KCNJ14: variants seen among roughly 807,000 people sequenced by gnomAD.
KCNJ14 encodes ATP-sensitive inward rectifier potassium channel 14.
KCNJ14 carries 18 observed loss-of-function variants against 24.5 expected under a neutral mutation model. The ratio of observed to expected loss-of-function variants is 0.74; its 90% CI spans 0.51 to 1.09. KCNJ14 has a LOEUF of 1.09. Ranked by LOEUF, KCNJ14 falls within the 50% of genes least tolerant of loss-of-function variation. KCNJ14 has a pLI of 0.00. For synonymous variants in KCNJ14, 288 were observed against 270.8 expected, an observed-to-expected ratio of 1.06 and a Z score of -0.63; for missense variants, 633 against 623.0, an observed-to-expected ratio of 1.02 and a Z score of -0.17.
chr19:48,462,840 G>A lies in KCNJ14; in HGVS notation c.714+402G>A, dbSNP rs1475870503. 6.6e-6 allele frequency among the ~76,000 whole-genome samples: 1 copy of A among 152,174 alleles called. No individual in the cohort carries two copies. Among genetic ancestry groups the A allele is most frequent in the East Asian group, 1.9e-4 (1 of 5,198 alleles). ...GGGGTGGTGGAGGGCCTGCGTGACCGTTCTATTACTCGGGTGTACAATTCC... is the reference window on the plus strand; with the variant it reads ...GGGGTGGTGGAGGGCCTGCGTGACCATTCTATTACTCGGGTGTACAATTCC... On this transcript the variant is annotated intron_variant, in intron 2 of 2. Coordinates refer to ENST00000342291, the MANE Select transcript of KCNJ14 (RefSeq NM_013348.4). This position sits in a 1 kb window ranked among gnomAD's most constrained non-coding sequence, Gnocchi z 4.9.
Position 48,462,203 on chromosome 19 carries a change from C to G in KCNJ14, c.479C>G (p.Pro160Arg). The G allele has an allele frequency of 6.4e-7, 1 of 1,555,904 alleles. No homozygotes were observed. Among genetic ancestry groups the G allele is most frequent in the Non-Finnish European group, 8.7e-7 (1 of 1,150,310 alleles). The stretch of plus-strand genomic sequence containing the variant: ...GTGCGCAGCGTCACCGAGGAGTGCC[C>G]GGCCGCTGTGGCCGCCGTGGTGCTG... ...YGVRSVTEEC[P>R]AAVAAVVLQC... Residue 160 changes from proline to arginine, a missense_variant, in exon 2 of 3, where the codon CCG becomes CGG. Physicochemically the swap from Pro to Arg is moderately radical, Grantham distance 103. Transcript: ENST00000342291. The surrounding 1 kb of genome is among the most constrained non-coding windows in gnomAD (Gnocchi z 4.9).
In KCNJ14 at chr19:48,464,337, G is replaced by A. The variant is rs764713358; in HGVS notation, c.871G>A (p.Glu291Lys). 35 of 1,613,098 alleles carry A rather than the reference G, an allele frequency of 2.2e-5. No individual in the cohort carries two copies. In the Admixed American group the frequency reaches 3.3e-4, roughly 15 times the overall value. ...TCCTCTGTATGAGCTAGGACGTGCC[G>A]AGCTGGCCAGGGCTGACTTTGAGCT... is the stretch of plus-strand genomic sequence containing the variant. ...ASPLYELGRA[E>K]LARADFELVV... The change falls in exon 3 of 3, where the codon GAG becomes AAG. Residue 291 changes from glutamate (E) to lysine (K), a missense_variant. By Grantham distance (56) the Glu-to-Lys change is moderately conservative. Transcript: ENST00000342291.
Position 48,462,412 on chromosome 19 carries a change from G to A in KCNJ14, c.688G>A (p.Ala230Thr), listed in dbSNP as rs769269839. ...CCTGCGCCGCAGCCACCTGGTCGAGGCCCACGTGCGTGCCCAGCTGCTGCA... is the reference window on the plus strand; with the variant it reads ...CCTGCGCCGCAGCCACCTGGTCGAGACCCACGTGCGTGCCCAGCTGCTGCA... ...GNLRRSHLVEAHVRAQLLQPR... is the reference protein window; with the variant it reads ...GNLRRSHLVETHVRAQLLQPR... The change falls in exon 2 of 3, where the codon GCC becomes ACC. Residue 230 changes from alanine to threonine, a missense_variant. Physicochemically the swap from Ala to Thr is moderately conservative, Grantham distance 58. Transcript: ENST00000342291. This position sits in a 1 kb window ranked among gnomAD's most constrained non-coding sequence, Gnocchi z 4.9. 6 of 1,498,260 alleles carry A rather than the reference G, an allele frequency of 4.0e-6. No individual in the cohort carries two copies. Among genetic ancestry groups the A allele is most frequent in the Admixed American group, 4.3e-5 (2 of 45,994 alleles). 92.8% of individuals were successfully genotyped at this position (1,498,260 alleles called of 1,614,324 possible).
In KCNJ14 at chr19:48,461,915, T is replaced by G; in HGVS notation, c.191T>G (p.Val64Gly). ...KKDGHCNVRFVNLGGQGARYL... is the reference protein window; with the variant it reads ...KKDGHCNVRFGNLGGQGARYL... ...GACGGGCACTGCAACGTGCGTTTCG[T>G]AAACCTGGGTGGCCAGGGCGCGCGC... Residue 64 changes from valine (V) to glycine (G), a missense_variant, in exon 2 of 3, where the codon GTA becomes GGA. Transcript: ENST00000342291. 3 of 1,608,146 alleles carry G rather than the reference T, an allele frequency of 1.9e-6. No homozygotes were observed. The highest frequency in any genetic ancestry group is 2.5e-6 in the Non-Finnish European group (3 of 1,176,634).
In KCNJ14 at chr19:48,465,051, T is replaced by A; in HGVS notation, c.*274T>A. 1 of 462,330 alleles carries A rather than the reference T, an allele frequency of 2.2e-6. No homozygotes were observed. The allele number at this position is 462,330 out of a possible 1,614,324, so 28.6% of individuals were successfully genotyped here. On this transcript the variant is annotated 3_prime_UTR_variant, in exon 3 of 3. Transcript: ENST00000342291. ...TCTGGATCACCCAAGAGGAAAAGAC[T>A]GGCAGTTCTAGATTCCTCTATATGG...
At position 48,461,944 on chromosome 19, in the gene KCNJ14, C is replaced by G. The variant is rs1445032945; in HGVS notation, c.220C>G (p.Leu74Val). 4 of 1,612,718 alleles carry G rather than the reference C, an allele frequency of 2.5e-6. No homozygotes were observed. The highest frequency in any genetic ancestry group is 3.4e-6 in the Non-Finnish European group (4 of 1,179,504). Residue 74 changes from leucine to valine, a missense_variant, in exon 2 of 3, where the codon CTG becomes GTG. Coordinates refer to ENST00000342291, the MANE Select transcript of KCNJ14 (RefSeq NM_013348.4). The stretch of plus-strand genomic sequence containing the variant: ...CCTGGGTGGCCAGGGCGCGCGCTAC[C>G]TGAGCGACCTGTTCACCACATGCGT... ...VNLGGQGARY[L>V]SDLFTTCVDV...
Position 48,461,838 on chromosome 19 carries a change from G to T in KCNJ14, c.114G>T (p.Pro38=). The change falls in exon 2 of 3, where the codon CCG becomes CCT. Residue 38 remains proline (P), a synonymous_variant. Coordinates refer to ENST00000342291, the MANE Select transcript of KCNJ14 (RefSeq NM_013348.4). ...GPGLCRNGWA[P]APVQSPVGRR... ...GGTTGTGCCGCAACGGGTGGGCGCCGGCACCGGTGCAGTCACCCGTGGGCC... is the reference window on the plus strand; with the variant it reads ...GGTTGTGCCGCAACGGGTGGGCGCCTGCACCGGTGCAGTCACCCGTGGGCC... 2 of 1,514,690 alleles carry T rather than the reference G, an allele frequency of 1.3e-6. No homozygotes were observed. The highest frequency in any genetic ancestry group is 1.8e-6 in the Non-Finnish European group (2 of 1,133,378). The allele number at this position is 1,514,690 out of a possible 1,614,324, so 93.8% of individuals were successfully genotyped here.
At position 48,464,207 on chromosome 19, in the gene KCNJ14, C is replaced by G. The variant is rs531781239; in HGVS notation, c.741C>G (p.Tyr247Ter). The G allele has an allele frequency of 6.2e-7, 1 of 1,614,042 alleles. No homozygotes were observed. The highest frequency in any genetic ancestry group is 2.2e-5 in the East Asian group (1 of 44,882). ...CCCGTGTGACCCCAGAGGGTGAGTA[C>G]ATCCCGCTGGACCACCAGGATGTGG... ...LQPRVTPEGE[Y>*]IPLDHQDVDV... Residue 247 changes from tyrosine (Y) to a stop codon, truncating the protein, a stop_gained, in exon 3 of 3, where the codon TAC (tyrosine) becomes TAG (stop). Coordinates refer to ENST00000342291, the MANE Select transcript of KCNJ14 (RefSeq NM_013348.4). LOFTEE classifies it high-confidence loss of function.
Position 48,464,326 on chromosome 19 carries a change from T to G in KCNJ14, c.860T>G (p.Leu287Arg). The G allele has an allele frequency of 6.2e-7, 1 of 1,613,726 alleles. No homozygotes were observed. Among genetic ancestry groups the G allele is most frequent in the Admixed American group, 1.7e-5 (1 of 59,926 alleles). Residue 287 changes from leucine (L) to arginine (R), a missense_variant, in exon 3 of 3, where the codon CTA becomes CGA. Transcript: ENST00000342291. The part of the protein sequence containing the change: ...EIDSASPLYE[L>R]GRAELARADF... ...GACTCTGCCAGTCCTCTGTATGAGC[T>G]AGGACGTGCCGAGCTGGCCAGGGCT...
intron 1 of KCNJ14, among the ~76,000 whole-genome samples, chr19:48,459,778 C>A (rs966608887): frequency 4.6e-5 from 7 of 152,014 alleles, no homozygotes; most frequent in African/African-American, 7.3e-5. Context: ...CCTGTAATCC[C>A]AGTACTTTAG....
chr19:48,465,111 A>G lies in KCNJ14; in HGVS notation c.*334A>G, dbSNP rs753736197. The G allele has an allele frequency of 6.7e-6, 2 of 299,306 alleles. No homozygotes were observed. The highest frequency in any genetic ancestry group is 1.3e-5 in the Non-Finnish European group (2 of 159,110). The allele number at this position is 299,306 out of a possible 1,614,324, so 18.5% of individuals were successfully genotyped here. Reference sequence around the variant, plus strand: ...GATTGTTGACCAGGGTGAGAAGCCAATGGTATAGACTGCCTCTGGGGAAGC... The same window carrying G: ...GATTGTTGACCAGGGTGAGAAGCCAGTGGTATAGACTGCCTCTGGGGAAGC... On this transcript the variant is annotated 3_prime_UTR_variant, in exon 3 of 3. Transcript: ENST00000342291.
rs1971655422 is a variant in KCNJ14 at position 48,466,407 on chromosome 19, CA to C, written c.*1631del. The C allele has an allele frequency of 6.6e-6, 1 of 151,750 alleles. No homozygotes were observed. The allele number at this position is 151,750 out of a possible 1,614,324, so 9.4% of individuals were successfully genotyped here. A position where few individuals can be genotyped will look rare whatever the true frequency, so the allele number is the denominator to read the frequency against. ...GTGTCTGTTTCTTAAAGATATTATACATATGTATATTATATATATGTAATAT... is the reference window on the plus strand; with the variant it reads ...GTGTCTGTTTCTTAAAGATATTATACTATGTATATTATATATATGTAATAT... On this transcript the variant is annotated 3_prime_UTR_variant, in exon 3 of 3. Coordinates refer to ENST00000342291, the MANE Select transcript of KCNJ14 (RefSeq NM_013348.4).
Position 48,464,694 on chromosome 19 carries a change from G to A in KCNJ14, c.1228G>A (p.Glu410Lys), listed in dbSNP as rs1971638579. Residue 410 changes from glutamate (E) to lysine (K), a missense_variant, in exon 3 of 3, where the codon GAA becomes AAA. By Grantham distance (56) the Glu-to-Lys change is moderately conservative (BLOSUM62 1). Transcript: ENST00000342291. ...GGAAGATGAGGACGATGAGACTGAG[G>A]AAGGGAATGGGGTGGAAACAGAAGA... ...QEEDEDDETE[E>K]GNGVETEDGA... The A allele has an allele frequency of 6.2e-7, 1 of 1,613,624 alleles. No individual in the cohort carries two copies. Among genetic ancestry groups the A allele is most frequent in the Admixed American group, 1.7e-5 (1 of 60,002 alleles).
chr19:48,455,716 G>A lies in KCNJ14; in HGVS notation c.-198G>A, dbSNP rs1971530962. The A allele has an allele frequency of 6.6e-6, 1 of 152,362 alleles. No homozygotes were observed. Among genetic ancestry groups the A allele is most frequent in the African/African-American group, 2.4e-5 (1 of 41,458 alleles). The allele number at this position is 152,362 out of a possible 1,614,324, so 9.4% of individuals were successfully genotyped here. Reference sequence around the variant, plus strand: ...GGAGGATTTCGAGGGCAGAACTCTGGGAAGGAAAGAAAGGCTTAGGACCCA... The same window carrying A: ...GGAGGATTTCGAGGGCAGAACTCTGAGAAGGAAAGAAAGGCTTAGGACCCA... On this transcript the variant is annotated 5_prime_UTR_variant, in exon 1 of 3. Coordinates refer to ENST00000342291, the MANE Select transcript of KCNJ14 (RefSeq NM_013348.4).
At position 48,464,819 on chromosome 19, in the gene KCNJ14, A is replaced by C. The variant is rs1416979623; in HGVS notation, c.*42A>C. 3 of 1,425,614 alleles carry C rather than the reference A, an allele frequency of 2.1e-6. No homozygotes were observed. The highest frequency in any genetic ancestry group is 1.7e-5 in the Admixed American group (1 of 58,074). 88.3% of individuals were successfully genotyped at this position (1,425,614 alleles called of 1,614,324 possible). Reference sequence around the variant, plus strand: ...CTTCCCCGTGTATGCCCCCTTCCCCAAGGTAGCAAGATGGAGGGATGGGGC... The same window carrying C: ...CTTCCCCGTGTATGCCCCCTTCCCCCAGGTAGCAAGATGGAGGGATGGGGC... On this transcript the variant is annotated 3_prime_UTR_variant, in exon 3 of 3. Transcript: ENST00000342291.
Position 48,460,741 on chromosome 19 carries a change from G to A in KCNJ14, c.-55-929G>A, listed in dbSNP as rs947436274. Among the ~76,000 whole-genome samples the A allele has an allele frequency of 2.0e-5, 3 of 152,228 alleles. No individual in the cohort carries two copies. The South Asian group carries it at 6.2e-4, about 31-fold the overall frequency. ...GAATTCAGTACATAGATTTAGCACT[G>A]TATAAATGCATGCTGTAATTATTGT... On this transcript the variant is annotated intron_variant, in intron 1 of 2. Transcript: ENST00000342291.
chr19:48,460,485 C>T (rs546999847), intron 1 of KCNJ14, among the ~76,000 whole-genome samples: 11 of 152,208 alleles, frequency 7.2e-5, no homozygotes, highest in East Asian at 1.9e-4. Context: ...TCAGGTGATC[C>T]GCCCGCCTCG....
chr19:48,460,690 A>T (rs1971585375), intron 1 of KCNJ14, among the ~76,000 whole-genome samples: 1 of 152,270 alleles, frequency 6.6e-6, no homozygotes, highest in African/African-American at 2.4e-5. Context: ...TTGTATAAAC[A>T]GTATAATTGA....
intron 1 of KCNJ14, chr19:48,456,997 T>G (rs1196930187): frequency 6.6e-6 from 1 of 151,280 alleles, no homozygotes; most frequent in Admixed American, 6.6e-5. Flanking sequence ...CCCTCTTTTT[T>G]TTTTTTTTTT....
Sources: allele counts gnomAD v4.1 joint callset (sites outside exome capture counted in the v4.1 genomes callset), GRCh38; gene constraint gnomAD v4.1.1; non-coding constraint Gnocchi (gnomAD v3.1); transcripts MANE v1.5; gene names NCBI Gene and HGNC (gene_info 2026-07-23, HGNC 2026-07-21).